The following ARHGEF18 variants were observed in gnomAD, a reference collection of about 807,000 sequenced individuals.
The protein encoded by ARHGEF18 is rho guanine nucleotide exchange factor 18.
Under a neutral mutation model 155.7 loss-of-function variants are expected in ARHGEF18, and 93 were observed. That is an observed-to-expected ratio of 0.60 (90% CI 0.50 to 0.71). The LOEUF is 0.71. ARHGEF18 is among the 30% of genes least tolerant of loss of function. The pLI is 0.00. For missense variants in ARHGEF18, 1,593 were observed against 1,816.1 expected (o/e 0.88, Z 2.23); for synonymous variants, 742 against 753.1 (o/e 0.99, Z 0.24).
chr19:7,422,882 C>A (rs1204286121), intron 10 of ARHGEF18, among the ~76,000 whole-genome samples: 2 of 151,932 alleles, frequency 1.3e-5, no homozygotes. Flanking sequence ...CCACACCCAG[C>A]TACTTTTTGT....
chr19:7,393,843 T>A (rs1181782739), intron 10 of ARHGEF18, among the ~76,000 whole-genome samples: 2 of 147,414 alleles, frequency 1.4e-5, no homozygotes, highest in Non-Finnish European at 3.0e-5. Context: ...CTATGTGGAG[T>A]GTCTGACATA....
chr19:7,388,730 G>A (rs1257874262), intron 10 of ARHGEF18, among the ~76,000 whole-genome samples: 5 of 151,172 alleles, frequency 3.3e-5, no homozygotes, highest in Non-Finnish European at 7.4e-5. Flanking sequence ...GCAGGCATGC[G>A]CCACCACGCC....
Position 7,395,071 on chromosome 19 carries a change from T to G in ARHGEF18, c.967+11868T>G, listed in dbSNP as rs1971613324. 1.0e-6 allele frequency: 1 copy of G among 985,456 alleles called. No homozygotes were observed. The highest frequency in any genetic ancestry group is 1.7e-5 in the African/African-American group (1 of 57,356). 61.0% of individuals were successfully genotyped at this position (985,456 alleles called of 1,614,324 possible). A position where few individuals can be genotyped will look rare whatever the true frequency, so the allele number is the denominator to read the frequency against. On this transcript the variant is annotated intron_variant, in intron 10 of 28. Transcript: ENST00000668164. This position sits in a 1 kb window ranked among gnomAD's most constrained non-coding sequence, Gnocchi z 5.0. ...GCACGCCTCCTTCCGGGTCACGCCCTCTGCCCCGCCTCCGAGGCGGGATCG... is the reference window on the plus strand; with the variant it reads ...GCACGCCTCCTTCCGGGTCACGCCCGCTGCCCCGCCTCCGAGGCGGGATCG...
At chr19:7,467,145 C>G (rs1157323143) in intron 25 of ARHGEF18, 27 bp downstream of exon 25, 1 of 1,584,934 alleles carries the variant, frequency 6.3e-7, no homozygotes, top group African/African-American at 1.3e-5. Context: ...GGGCCGGCCA[C>G]GCGTGCCCTT....
At chr19:7,355,336 C>T (rs1041112755) in intron 1 of ARHGEF18, among the ~76,000 whole-genome samples, 4 of 151,966 alleles carry the variant, frequency 2.6e-5, no homozygotes, top group Non-Finnish European at 4.4e-5. Context: ...CCGAGGGACC[C>T]AGTTTGTACT....
intron 23 of ARHGEF18, 73 bp from the exon 24 acceptor site, chr19:7,466,845 G>C (rs1343148632): frequency 4.4e-5 from 32 of 726,636 alleles, no homozygotes; most frequent in Non-Finnish European, 1.3e-5. Context: ...AAAAGAAGAA[G>C]AAGAAGAAGG....
intron 26 of ARHGEF18, 125 bp from the exon 27 acceptor site, chr19:7,468,700 A>C: frequency 9.2e-7 from 1 of 1,082,226 alleles, no homozygotes; most frequent in Non-Finnish European, 1.3e-6. Context: ...CAGCTCCTTC[A>C]GGCTGCACCT....
chr19:7,364,126 GGATA>G (rs1969769007), intron 2 of ARHGEF18, among the ~76,000 whole-genome samples: 1 of 150,136 alleles, frequency 6.7e-6, no homozygotes, highest in Non-Finnish European at 1.5e-5. Context: ...GAAGGAAGAT[GGATA>G]AATAAAAGAA....
chr19:7,381,687 T>TAAA (rs1237684656), intron 8 of ARHGEF18, among the ~76,000 whole-genome samples: 6 of 134,046 alleles, frequency 4.5e-5, no homozygotes, highest in African/African-American at 2.2e-4. Context: ...CAAAAATAAA[T>TAAA]AAATAATAAA....
chr19:7,410,527 G>A (rs1456601937), intron 10 of ARHGEF18, among the ~76,000 whole-genome samples: 1 of 151,774 alleles, frequency 6.6e-6, no homozygotes, highest in East Asian at 1.9e-4. Flanking sequence ...GTTTTTCAGG[G>A]GCTGGGCATG....
Position 7,384,688 on chromosome 19 carries a change from C to CA in ARHGEF18, c.967+1489dup, listed in dbSNP as rs1260413739. Among the ~76,000 whole-genome samples the CA allele has an allele frequency of 7.6e-4, 95 of 124,244 alleles. 1 individual carries two copies. The highest frequency in any genetic ancestry group is 3.9e-3 in the Middle Eastern group (1 of 254). 81.5% of individuals were successfully genotyped at this position (124,244 alleles called of 152,430 possible). A position where few individuals can be genotyped will look rare whatever the true frequency, so the allele number is the denominator to read the frequency against. On this transcript the variant is annotated intron_variant, in intron 10 of 28. Coordinates refer to ENST00000668164, the MANE Select transcript of ARHGEF18 (RefSeq NM_001367823.1). ...AGCAGAGGCTGGCATGAGCTTTTTGCAAAATTTTTTTTTTTTTTTTTGCGA... is the reference window on the plus strand; with the variant it reads ...AGCAGAGGCTGGCATGAGCTTTTTGCAAAAATTTTTTTTTTTTTTTTTGCGA...
At chr19:7,451,894 A>G (rs1352914652) in intron 16 of ARHGEF18, among the ~76,000 whole-genome samples, 2 of 151,560 alleles carry the variant, frequency 1.3e-5, no homozygotes, top group Non-Finnish European at 2.9e-5. Context: ...GCTAACTTTG[A>G]TATTTGTAGT....
chr19:7,469,109 C>T lies in ARHGEF18; in HGVS notation c.3765C>T (p.Gly1255=). The T allele has an allele frequency of 6.2e-7, 1 of 1,604,448 alleles. No individual in the cohort carries two copies. Among genetic ancestry groups the T allele is most frequent in the Non-Finnish European group, 8.5e-7 (1 of 1,176,830 alleles). ...AGGACAAGGGCGGCAAGAGCAGGGGCTCTCAGCGCTGGGAGAGCTCAGGTG... is the reference window on the plus strand; with the variant it reads ...AGGACAAGGGCGGCAAGAGCAGGGGTTCTCAGCGCTGGGAGAGCTCAGGTG... ...GGKDKGGKSR[G]SQRWESSASF... Residue 1255 remains glycine (G), a synonymous_variant, in exon 27 of 29, where the codon GGC becomes GGT. Transcript: ENST00000668164.
At chr19:7,364,163 CGGAT>C (rs1011851023) in intron 2 of ARHGEF18, among the ~76,000 whole-genome samples, 3 of 136,390 alleles carry the variant, frequency 2.2e-5, no homozygotes, top group African/African-American at 8.4e-5. Context: ...GGATGGATAA[CGGAT>C]GGGTGAATGG....
At chr19:7,439,884 G>GTT (rs373807621) in intron 10 of ARHGEF18, 24 of 1,222,720 alleles carry the variant, frequency 2.0e-5, no homozygotes, top group Middle Eastern at 2.9e-4. Flanking sequence ...TGGAGGGGTT[G>GTT]TTTTTTTTTT....
intron 1 of ARHGEF18, among the ~76,000 whole-genome samples, chr19:7,353,280 C>T (rs1969200156): frequency 6.6e-6 from 1 of 151,972 alleles, no homozygotes; most frequent in Non-Finnish European, 1.5e-5. Flanking sequence ...AATAAGCTAG[C>T]CTGCCATCAT....
chr19:7,442,116 T>C (rs375606365), intron 13 of ARHGEF18, 64 bp downstream of exon 13: 37 of 1,530,174 alleles, frequency 2.4e-5, no homozygotes, highest in Admixed American at 3.6e-5. Flanking sequence ...CTCCCTCCCT[T>C]CCTCCCTCCC....
At chr19:7,379,196 G>A (rs1970608424) in intron 7 of ARHGEF18, 30 bp downstream of exon 7, 2 of 1,231,550 alleles carry the variant, frequency 1.6e-6, no homozygotes, top group Non-Finnish European at 1.0e-6. Flanking sequence ...GGCTTGAGGG[G>A]AGCAAAGTGG....
intron 10 of ARHGEF18, among the ~76,000 whole-genome samples, chr19:7,436,765 T>C (rs11667998): frequency 0.4 from 61,110 of 151,716 alleles, 12,912 homozygotes; most frequent in East Asian, 0.59. Context: ...CTGGGTGGAG[T>C]TGAGTGTTGT....
Sources: allele counts gnomAD v4.1 joint callset (sites outside exome capture counted in the v4.1 genomes callset), GRCh38; gene constraint gnomAD v4.1.1; non-coding constraint Gnocchi (gnomAD v3.1); transcripts MANE v1.5; gene names NCBI Gene and HGNC (gene_info 2026-07-23, HGNC 2026-07-21).